IL1R2: variants seen among roughly 807,000 people sequenced by gnomAD.
IL1R2 encodes interleukin-1 receptor type 2.
Under a neutral mutation model 39.5 loss-of-function variants are expected in IL1R2, and 46 were observed. That is an observed-to-expected ratio of 1.16 (90% confidence interval 0.92 to 1.49). The LOEUF is 1.49. IL1R2 is among the 40% of genes most tolerant of loss of function. The pLI is 0.00. For synonymous variants in IL1R2, 207 were observed against 189.6 expected, an observed-to-expected ratio of 1.09 and a Z score of -0.75; for missense variants, 537 against 502.0, an observed-to-expected ratio of 1.07 and a Z score of -0.67.
intron 7 of IL1R2, 122 bp downstream of exon 7, chr2:102,024,790 A>G: frequency 8.3e-7 from 1 of 1,206,418 alleles, no homozygotes; most frequent in Non-Finnish European, 1.1e-6. Context: ...AAACTGTTGG[A>G]TGTTTAGAAT....
At chr2:102,004,481 T>C (rs1286863033) in intron 1 of IL1R2, among the ~76,000 whole-genome samples, 1 of 136,074 alleles carries the variant, frequency 7.3e-6, no homozygotes, top group Non-Finnish European at 1.5e-5. Context: ...TGGTGAAACA[T>C]GGTTATTTGA....
At chr2:102,000,620 G>A (rs904026764) in intron 1 of IL1R2, among the ~76,000 whole-genome samples, 1 of 152,184 alleles carries the variant, frequency 6.6e-6, no homozygotes, top group Non-Finnish European at 1.5e-5. Context: ...AGGATGCTGG[G>A]TTTCAGAAGA....
At position 102,014,168 on chromosome 2, in the gene IL1R2, T is replaced by C. The variant is rs3218887; in HGVS notation, c.333-1703T>C. Reference sequence around the variant, plus strand: ...TTCTGAAGATAGTACTTATGGGTACTGAAGATAGATTTATGGGTTTTCCCA... The same window carrying C: ...TTCTGAAGATAGTACTTATGGGTACCGAAGATAGATTTATGGGTTTTCCCA... On this transcript the variant is annotated intron_variant, in intron 3 of 8. Transcript: ENST00000332549. Among the ~76,000 whole-genome samples the C allele has an allele frequency of 3.5e-3, 534 of 152,368 alleles. 1 individual carries two copies. The highest frequency in any genetic ancestry group is 0.012 in the African/African-American group (502 of 41,592).
chr2:102,022,306 A>G (rs1047449220), intron 6 of IL1R2, 57 bp downstream of exon 6: 10 of 1,453,660 alleles, frequency 6.9e-6, no homozygotes, highest in Admixed American at 3.4e-5. Context: ...TGGTATCCCA[A>G]TGCAGGGGGC....
chr2:102,020,506 T>C (rs3218949), intron 5 of IL1R2, among the ~76,000 whole-genome samples: 1,627 of 152,322 alleles, frequency 0.011, 34 homozygotes, highest in African/African-American at 0.036. Context: ...TACTGAATAA[T>C]GATCACAACT....
At chr2:102,021,828 G>A (rs1410611226) in intron 5 of IL1R2, among the ~76,000 whole-genome samples, 1 of 152,190 alleles carries the variant, frequency 6.6e-6, no homozygotes, top group Non-Finnish European at 1.5e-5. Context: ...AGGTATTTTA[G>A]GTCAGGTCAA....
intron 1 of IL1R2, among the ~76,000 whole-genome samples, chr2:101,995,649 T>C (rs2150416777): frequency 6.6e-6 from 1 of 152,266 alleles, no homozygotes; most frequent in Non-Finnish European, 1.5e-5. Flanking sequence ...TCACTTTGAT[T>C]GTGGTGCCTG....
intron 4 of IL1R2, among the ~76,000 whole-genome samples, chr2:102,018,222 C>T (rs115885470): frequency 1.2e-3 from 178 of 152,276 alleles, no homozygotes; most frequent in African/African-American, 4.1e-3. Context: ...AGGTGCAAGC[C>T]CCCAAGCCCA....
chr2:102,008,760 CGGCTGTA>C, intron 2 of IL1R2, 118 bp downstream of exon 2: 1 of 833,094 alleles, frequency 1.2e-6, no homozygotes, highest in East Asian at 2.6e-5. Flanking sequence ...CGGTGGCTGC[CGGCTGTA>C]ATGTTAGTAC....
At chr2:102,001,920 A>T (rs371851300) in intron 1 of IL1R2, 1 of 152,198 alleles carries the variant, frequency 6.6e-6, no homozygotes, top group South Asian at 2.1e-4. Context: ...CCTGATAGCT[A>T]TGTGACTTCA....
chr2:102,004,349 G>GT (rs1553613853), intron 1 of IL1R2, among the ~76,000 whole-genome samples: 1 of 152,260 alleles, frequency 6.6e-6, no homozygotes, highest in African/African-American at 2.4e-5. Flanking sequence ...TCAGGGCTGT[G>GT]CATCAGCTCT....
intron 8 of IL1R2, among the ~76,000 whole-genome samples, chr2:102,027,445 T>A (rs184141468): frequency 6.6e-6 from 1 of 152,252 alleles, no homozygotes; most frequent in Admixed American, 6.5e-5. Context: ...CCGTGACTGA[T>A]CCAGGGAACA....
intron 1 of IL1R2, among the ~76,000 whole-genome samples, chr2:101,992,316 C>A (rs1306782686): frequency 7.8e-6 from 1 of 128,684 alleles, no homozygotes. Flanking sequence ...CAGAGAAAGA[C>A]AGAGACAGAG....
chr2:102,003,758 G>A (rs920444139), intron 1 of IL1R2, among the ~76,000 whole-genome samples: 1 of 150,696 alleles, frequency 6.6e-6, no homozygotes, highest in Non-Finnish European at 1.5e-5. Context: ...CTGTGTCTGT[G>A]TCTAGGTCTA....
At chr2:102,023,494 G>A (rs1677524773) in intron 6 of IL1R2, 1 of 152,172 alleles carries the variant, frequency 6.6e-6, no homozygotes, top group Admixed American at 6.5e-5. Flanking sequence ...TGTTACGGCT[G>A]AGGAAGATCT....
intron 3 of IL1R2, among the ~76,000 whole-genome samples, chr2:102,010,356 G>C (rs926257967): frequency 6.6e-6 from 1 of 152,076 alleles, no homozygotes; most frequent in South Asian, 2.1e-4. Flanking sequence ...GGTGGATCAC[G>C]AGGTCAGGAG....
At chr2:102,000,033 G>C (rs1163068260) in intron 1 of IL1R2, among the ~76,000 whole-genome samples, 3 of 152,100 alleles carry the variant, frequency 2.0e-5, no homozygotes, top group Non-Finnish European at 4.4e-5. Flanking sequence ...CAATACCGAC[G>C]AGTTCTCAGG....
intron 1 of IL1R2, among the ~76,000 whole-genome samples, chr2:101,997,415 C>T (rs1324886342): frequency 1.3e-5 from 2 of 152,206 alleles, no homozygotes; most frequent in African/African-American, 4.8e-5. Context: ...GCACCTGTTG[C>T]TGCACCTGAA....
At chr2:102,013,576 G>GAAAAAAAAAAAAAAAAAA (rs1559421494) in intron 3 of IL1R2, among the ~76,000 whole-genome samples, 2 of 54,720 alleles carry the variant, frequency 3.7e-5, no homozygotes, top group African/African-American at 6.5e-5. Flanking sequence ...AGAAAAGAAG[G>GAAAAAAAAAAAAAAAAAA]AAAAGAAAAA....
Sources: gnomAD v4.1 joint callset for allele counts (sites outside exome capture counted in the v4.1 genomes callset) on GRCh38, gnomAD v4.1.1 for gene constraint, MANE v1.5 for transcripts, NCBI Gene and HGNC (gene_info 2026-07-23, HGNC 2026-07-21) for gene names.